MSRA: variants seen among roughly 807,000 people sequenced by gnomAD.
MSRA encodes the protein mitochondrial peptide methionine sulfoxide reductase.
MSRA carries 54 observed loss-of-function variants against 31.3 expected under a neutral mutation model. That is an observed-to-expected ratio of 1.73 (90% CI 1.39 to 2.17). The LOEUF is 2.17. MSRA is among the 30% of genes most tolerant of loss of function. The pLI is 0.00. For missense variants in MSRA, 507 were observed against 300.9 expected (o/e 1.69, Z -5.07); for synonymous variants, 169 against 116.5 (o/e 1.45, Z -2.90).
chr8:10,141,575 G>C (rs1270396827), intron 1 of MSRA, among the ~76,000 whole-genome samples: 1 of 152,170 alleles, frequency 6.6e-6, no homozygotes, highest in African/African-American at 2.4e-5. Flanking sequence ...AGCATGCATG[G>C]AGTCACATCC....
At chr8:10,230,234 T>C (rs1239799986) in intron 2 of MSRA, among the ~76,000 whole-genome samples, 1 of 151,954 alleles carries the variant, frequency 6.6e-6, no homozygotes, top group Non-Finnish European at 1.5e-5. Flanking sequence ...CGTGCCTGAG[T>C]TAAGGGGGTT....
chr8:10,262,966 C>T (rs1798558478), intron 3 of MSRA, among the ~76,000 whole-genome samples: 1 of 152,168 alleles, frequency 6.6e-6, no homozygotes, highest in Admixed American at 6.5e-5. Flanking sequence ...CTGACTCTGG[C>T]CCTGGTCCCT....
At chr8:10,343,311 A>G (rs1803560559) in intron 5 of MSRA, among the ~76,000 whole-genome samples, 1 of 152,198 alleles carries the variant, frequency 6.6e-6, no homozygotes. Context: ...ATCGGATGTA[A>G]TTAGTTTACA....
At position 10,353,545 on chromosome 8, in the gene MSRA, C is replaced by T. The variant is rs549199387; in HGVS notation, c.543+33556C>T. The T allele has an allele frequency of 4.3e-4, 195 of 453,942 alleles. 1 individual carries two copies. Among genetic ancestry groups the T allele is most frequent in the African/African-American group, 3.5e-3 (176 of 50,122 alleles). The allele number at this position is 453,942 out of a possible 1,614,324, so 28.1% of individuals were successfully genotyped here. A position where few individuals can be genotyped will look rare whatever the true frequency, so the allele number is the denominator to read the frequency against. On this transcript the variant is annotated intron_variant, in intron 5 of 5. Transcript: ENST00000317173. ...GTCCCCTGCAGAGCACGACACCTGA[C>T]GTTTCTGTAACGAGATGCAATTTTC...
intron 5 of MSRA, among the ~76,000 whole-genome samples, chr8:10,396,284 C>T (rs746952494): frequency 2.6e-4 from 39 of 152,210 alleles, no homozygotes; most frequent in Non-Finnish European, 4.4e-4. Context: ...TCTCCAACAT[C>T]CTCTCCCCTC....
At chr8:10,202,279 C>T (rs1808566563) in intron 1 of MSRA, among the ~76,000 whole-genome samples, 1 of 152,264 alleles carries the variant, frequency 6.6e-6, no homozygotes, top group East Asian at 1.9e-4. Flanking sequence ...TTAAAAACTC[C>T]ACCTTGGTTT....
chr8:10,391,674 G>C (rs1424685623), intron 5 of MSRA, among the ~76,000 whole-genome samples: 1 of 152,172 alleles, frequency 6.6e-6, no homozygotes, highest in Non-Finnish European at 1.5e-5. Context: ...CGTGGGCTAG[G>C]AGTCGGTTCT....
intron 1 of MSRA, among the ~76,000 whole-genome samples, chr8:10,155,911 A>G (rs1292167354): frequency 1.3e-5 from 2 of 152,188 alleles, no homozygotes; most frequent in African/African-American, 4.8e-5. Flanking sequence ...CTGATTCAGG[A>G]TGGATGTGAA....
Position 10,319,913 on chromosome 8 carries a change from A to T in MSRA, c.467A>T (p.Gln156Leu). 6.3e-7 allele frequency: 1 copy of T among 1,592,922 alleles called. No homozygotes were observed. The highest frequency in any genetic ancestry group is 8.5e-7 in the Non-Finnish European group (1 of 1,170,258). The change falls in exon 5 of 6, where the codon CAG (glutamine) becomes CTG (leucine). Residue 156 changes from glutamine to leucine, a missense_variant. Coordinates refer to ENST00000317173, the MANE Select transcript of MSRA (RefSeq NM_012331.5). ...GMRQGNDHGT[Q>L]YRSAIYPTSA... is the part of the protein sequence containing the mutation. ...CGCCAGGGGAACGACCATGGCACTC[A>T]GTACCGCTCGGCCATCTACCCGACC... is the stretch of plus-strand genomic sequence containing the variant.
chr8:10,383,509 A>G (rs1347651439), intron 5 of MSRA, among the ~76,000 whole-genome samples: 2 of 152,180 alleles, frequency 1.3e-5, no homozygotes, highest in Non-Finnish European at 2.9e-5. Flanking sequence ...ACACTTCAGC[A>G]AAATTGTAGC....
intron 3 of MSRA, among the ~76,000 whole-genome samples, chr8:10,269,423 C>A (rs1190202720): frequency 6.6e-6 from 1 of 152,212 alleles, no homozygotes; most frequent in South Asian, 2.1e-4. Context: ...ACCCGTGTTA[C>A]CACTGATTAC....
At chr8:10,074,582 CAT>C (rs1797907769) in intron 1 of MSRA, among the ~76,000 whole-genome samples, 2 of 152,194 alleles carry the variant, frequency 1.3e-5, no homozygotes, top group Admixed American at 1.3e-4. Context: ...TCTACATTCA[CAT>C]TTGATTATTT....
intron 1 of MSRA, among the ~76,000 whole-genome samples, chr8:10,185,807 A>G (rs1806992515): frequency 6.6e-6 from 1 of 152,202 alleles, no homozygotes; most frequent in South Asian, 2.1e-4. Flanking sequence ...TGCAAGGCTC[A>G]ACTCTAATGC....
chr8:10,370,466 C>T (rs1805412928), intron 5 of MSRA, among the ~76,000 whole-genome samples: 1 of 152,232 alleles, frequency 6.6e-6, no homozygotes, highest in South Asian at 2.1e-4. Flanking sequence ...AAACAGATTT[C>T]ACACAAACTA....
chr8:10,261,295 G>A (rs777907719), intron 3 of MSRA, among the ~76,000 whole-genome samples: 32 of 151,008 alleles, frequency 2.1e-4, no homozygotes, highest in South Asian at 4.2e-4. Context: ...AATTAATCAC[G>A]TAATCTTTGA....
intron 5 of MSRA, among the ~76,000 whole-genome samples, chr8:10,405,835 TCA>T (rs57410636): frequency 0.45 from 68,095 of 152,006 alleles, 16,911 homozygotes; most frequent in Non-Finnish European, 0.57. Context: ...TCACACGTAA[TCA>T]CAGACATGCT....
intron 1 of MSRA, among the ~76,000 whole-genome samples, chr8:10,196,377 C>T (rs1170810871): frequency 2.0e-5 from 3 of 152,072 alleles, no homozygotes; most frequent in Non-Finnish European, 2.9e-5. Flanking sequence ...GGCCTTATGC[C>T]TTAATTACAT....
intron 3 of MSRA, among the ~76,000 whole-genome samples, chr8:10,261,292 C>T (rs575973036): frequency 6.6e-6 from 1 of 151,038 alleles, no homozygotes; most frequent in Non-Finnish European, 1.5e-5. Flanking sequence ...AAAAATTAAT[C>T]ACGTAATCTT....
Position 10,428,805 on chromosome 8 carries a change from G to C in MSRA, c.*493G>C, listed in dbSNP as rs1366945194. On this transcript the variant is annotated 3_prime_UTR_variant, in exon 6 of 6. Coordinates refer to ENST00000317173, the MANE Select transcript of MSRA (RefSeq NM_012331.5). ...AGCCCTCTCTGTGCAGAGAAAAGATGTGAGTCCGCTTGATGAATTCTAATG... is the reference window on the plus strand; with the variant it reads ...AGCCCTCTCTGTGCAGAGAAAAGATCTGAGTCCGCTTGATGAATTCTAATG... 1 of 160,028 alleles carries C rather than the reference G, an allele frequency of 6.2e-6. No homozygotes were observed. The highest frequency in any genetic ancestry group is 1.9e-4 in the East Asian group (1 of 5,244). The allele number at this position is 160,028 out of a possible 1,614,324, so 9.9% of individuals were successfully genotyped here.
Sources: allele counts gnomAD v4.1 joint callset (sites outside exome capture counted in the v4.1 genomes callset), GRCh38; gene constraint gnomAD v4.1.1; transcripts MANE v1.5; gene names NCBI Gene and HGNC (gene_info 2026-07-23, HGNC 2026-07-21).